Variants in EEF1E1 observed in about 807,000 individuals in gnomAD.
The protein encoded by EEF1E1 is eukaryotic translation elongation factor 1 epsilon 1.
A neutral mutation model predicts 19.9 loss-of-function variants in EEF1E1; 19 were observed. The observed-to-expected ratio is 0.95, with a 90% CI of 0.66 to 1.40. The LOEUF is 1.40. Ranked by LOEUF, EEF1E1 falls within the 40% of genes most tolerant of loss-of-function variation. EEF1E1 has a pLI of 0.00. For synonymous variants in EEF1E1, 81 were observed against 80.0 expected, an observed-to-expected ratio of 1.01 and a Z score of -0.07; for missense variants, 198 against 202.2, an observed-to-expected ratio of 0.98 and a Z score of 0.13.
At chr6:8,092,563 G>C (rs1758041737) in intron 2 of EEF1E1, among the ~76,000 whole-genome samples, 1 of 152,138 alleles carries the variant, frequency 6.6e-6, no homozygotes, top group Admixed American at 6.5e-5. Flanking sequence ...ACACAAATGA[G>C]ACAGGCATGG....
At position 8,079,871 on chromosome 6, in the gene EEF1E1, T is replaced by C. The variant is rs1757683335; in HGVS notation, c.*19A>G. The C allele has an allele frequency of 1.2e-5, 20 of 1,605,078 alleles. No individual in the cohort carries two copies. The highest frequency in any genetic ancestry group is 1.7e-5 in the Non-Finnish European group (20 of 1,175,598). Reference sequence around the variant, plus strand: ...TTTAAAACATTTTTAATAGATCTTCTGTATGGCATGGACAGCTTCTAGTGG... The same window carrying C: ...TTTAAAACATTTTTAATAGATCTTCCGTATGGCATGGACAGCTTCTAGTGG... On this transcript the variant is annotated 3_prime_UTR_variant, in exon 4 of 4. Coordinates refer to ENST00000379715, the MANE Select transcript of EEF1E1 (RefSeq NM_004280.5).
At chr6:8,073,416 G>A (rs1414642712) in exon 4 of EEF1E1, 2 of 1,548,748 alleles carry the variant, frequency 1.3e-6, no homozygotes, top group African/African-American at 1.4e-5. Context: ...GTAAGTTTGA[G>A]CCAGACATTT....
At chr6:8,087,803 GAC>G (rs1309986700) in intron 3 of EEF1E1, among the ~76,000 whole-genome samples, 1 of 139,374 alleles carries the variant, frequency 7.2e-6, no homozygotes, top group Non-Finnish European at 1.6e-5. Flanking sequence ...CACAGGAAAA[GAC>G]ACATGTGAGA....
chr6:8,074,106 C>T (rs1197693682), intron 3 of EEF1E1, among the ~76,000 whole-genome samples: 1 of 152,132 alleles, frequency 6.6e-6, no homozygotes, highest in Non-Finnish European at 1.5e-5. Context: ...CTTAATCAGA[C>T]TTGATGTCTG....
intron 3 of EEF1E1, among the ~76,000 whole-genome samples, chr6:8,086,684 G>A (rs1263917707): frequency 2.0e-5 from 3 of 152,280 alleles, no homozygotes; most frequent in East Asian, 3.9e-4. Flanking sequence ...TTCTTTCTCT[G>A]TAAAAGAAGG....
chr6:8,078,531 C>T (rs996250410), downstream of EEF1E1: 53 of 581,438 alleles, frequency 9.1e-5, no homozygotes, highest in Non-Finnish European at 1.1e-4. Context: ...GAAGCAAGCA[C>T]AAGCCGACGG....
At chr6:8,085,652 C>T (rs1382308216) in intron 3 of EEF1E1, among the ~76,000 whole-genome samples, 1 of 152,202 alleles carries the variant, frequency 6.6e-6, no homozygotes, top group Non-Finnish European at 1.5e-5. Flanking sequence ...CCTCCTTTCA[C>T]AGCCAAGTGT....
chr6:8,101,697 A>G, intron 1 of EEF1E1: 2 of 1,248,306 alleles, frequency 1.6e-6, no homozygotes, highest in Non-Finnish European at 2.1e-6. Flanking sequence ...TCTCTAATAC[A>G]TTCCTTCTAC....
At chr6:8,078,880 TGTTTA>T (rs778291853), downstream of EEF1E1, 25 of 1,063,738 alleles carry the variant, frequency 2.4e-5, no homozygotes, top group Non-Finnish European at 2.8e-5. Flanking sequence ...TTGACTGCTT[TGTTTA>T]AAGTTCTGCT....
At chr6:8,076,999 GT>G (rs528533252), downstream of EEF1E1, among the ~76,000 whole-genome samples, 329 of 53,346 alleles carry the variant, frequency 6.2e-3, 1 homozygote, top group African/African-American at 0.018. Flanking sequence ...CTGGAGTGCA[GT>G]GGCAGCGATC....
intron 3 of EEF1E1, 41 bp downstream of exon 3, chr6:8,090,145 A>C (rs569258553): frequency 9.0e-6 from 13 of 1,449,230 alleles, no homozygotes; most frequent in Middle Eastern, 3.6e-4. Context: ...AATCATTCTC[A>C]ACACTACAGA....
intron 3 of EEF1E1, among the ~76,000 whole-genome samples, chr6:8,085,298 G>A (rs571685660): frequency 1.3e-5 from 2 of 151,184 alleles, no homozygotes; most frequent in South Asian, 4.2e-4. Flanking sequence ...CAGTCACAGA[G>A]CTACCACGCC....
At chr6:8,089,141 A>G (rs1301947341) in intron 3 of EEF1E1, among the ~76,000 whole-genome samples, 8 of 152,174 alleles carry the variant, frequency 5.3e-5, no homozygotes, top group Admixed American at 2.6e-4. Context: ...ACTGTAGGGT[A>G]AAGCAAAGGA....
chr6:8,099,921 A>T (rs1322052314), intron 1 of EEF1E1, among the ~76,000 whole-genome samples: 1 of 152,080 alleles, frequency 6.6e-6, no homozygotes, highest in Non-Finnish European at 1.5e-5. Context: ...CCATAATTTA[A>T]AGAATCAATA....
At chr6:8,097,840 T>G (rs1758215484) in intron 1 of EEF1E1, among the ~76,000 whole-genome samples, 1 of 152,200 alleles carries the variant, frequency 6.6e-6, no homozygotes, top group Admixed American at 6.5e-5. Flanking sequence ...TGAACATACT[T>G]AAATAAACCT....
chr6:8,102,209 G>A, intron 1 of EEF1E1: 1 of 684,470 alleles, frequency 1.5e-6, no homozygotes, highest in Non-Finnish European at 1.8e-6. Flanking sequence ...AGGAGGTGAA[G>A]TTCAGGCCAA....
At chr6:8,094,051 G>A (rs945932551) in intron 2 of EEF1E1, among the ~76,000 whole-genome samples, 1 of 151,958 alleles carries the variant, frequency 6.6e-6, no homozygotes, top group South Asian at 2.1e-4. Flanking sequence ...TGCCTGCCTC[G>A]GCCTTCCAAA....
At chr6:8,075,642 C>T (rs1380783963), downstream of EEF1E1, among the ~76,000 whole-genome samples, 2 of 152,148 alleles carry the variant, frequency 1.3e-5, no homozygotes, top group Non-Finnish European at 2.9e-5. Context: ...GTTTTGCCTC[C>T]ATGTCAATGG....
In EEF1E1 at chr6:8,102,532, T is replaced by C. The variant is rs1159406315; in HGVS notation, c.-11A>G. The C allele has an allele frequency of 4.4e-6, 7 of 1,608,582 alleles. No homozygotes were observed. The highest frequency in any genetic ancestry group is 1.1e-5 in the South Asian group (1 of 91,046). Reference sequence around the variant, plus strand: ...TGCGGCCGCCGCCATCTTCCGGCCGTAGCTCCTGGCAGACGCGAGACCTGC... The same window carrying C: ...TGCGGCCGCCGCCATCTTCCGGCCGCAGCTCCTGGCAGACGCGAGACCTGC... On this transcript the variant is annotated 5_prime_UTR_variant, in exon 1 of 4. Coordinates refer to ENST00000379715, the MANE Select transcript of EEF1E1 (RefSeq NM_004280.5).
Sources: gnomAD v4.1 joint callset for allele counts (sites outside exome capture counted in the v4.1 genomes callset) on GRCh38, gnomAD v4.1.1 for gene constraint, MANE v1.5 for transcripts, NCBI Gene and HGNC (gene_info 2026-07-23, HGNC 2026-07-21) for gene names.